The following PRP4K variants were observed in gnomAD, a reference collection of about 807,000 sequenced individuals.
PRP4K encodes serine/threonine-protein kinase PRP4 homolog.
the PRP4K span, among the ~76,000 whole-genome samples, chr6:4,029,798 G>C: frequency 6.6e-6 from 1 of 152,172 alleles, no homozygotes; most frequent in Non-Finnish European, 1.5e-5. Context: ...TGATCCTTCA[G>C]TGTTCCCATA....
chr6:4,054,127 C>G, the PRP4K span, among the ~76,000 whole-genome samples: 2 of 152,060 alleles, frequency 1.3e-5, no homozygotes, highest in Admixed American at 6.5e-5. Flanking sequence ...GTCTCAAACT[C>G]CTGGGCTCAA....
At chr6:4,038,736 C>G in the PRP4K span, among the ~76,000 whole-genome samples, 1 of 152,052 alleles carries the variant, frequency 6.6e-6, no homozygotes, top group Non-Finnish European at 1.5e-5. Flanking sequence ...CACTGCTAGT[C>G]TTCTTGCTCC....
At chr6:4,032,850 G>T in the PRP4K span, 1 of 1,287,900 alleles carries the variant, frequency 7.8e-7, no homozygotes. Flanking sequence ...GAAGTAGTAA[G>T]TAAAAATAAA....
At chr6:4,040,258 A>G in the PRP4K span, among the ~76,000 whole-genome samples, 1 of 152,018 alleles carries the variant, frequency 6.6e-6, no homozygotes, top group South Asian at 2.1e-4. Context: ...TGAAACATGC[A>G]TATAACTTAC....
At chr6:4,040,941 T>A in the PRP4K span, 2 of 1,596,604 alleles carry the variant, frequency 1.3e-6, no homozygotes, top group Non-Finnish European at 1.7e-6. Context: ...AGAATAGAAC[T>A]TACCCATAAC....
the PRP4K span, among the ~76,000 whole-genome samples, chr6:4,058,025 T>C: frequency 1.3e-3 from 194 of 152,320 alleles, no homozygotes; most frequent in African/African-American, 4.5e-3. Context: ...GTTGTTGTTG[T>C]TGTTTTGAGA....
chr6:4,063,670 A>G, the PRP4K span: 1 of 152,078 alleles, frequency 6.6e-6, no homozygotes, highest in East Asian at 1.9e-4. Context: ...GCATATCTAG[A>G]CTACCTATTT....
chr6:4,024,015 T>C, the PRP4K span, among the ~76,000 whole-genome samples: 1 of 151,822 alleles, frequency 6.6e-6, no homozygotes, highest in Non-Finnish European at 1.5e-5. Context: ...TACAGGCACG[T>C]ACCACCACGC....
At chr6:4,021,585 C>G in the PRP4K span, 1 of 1,413,768 alleles carries the variant, frequency 7.1e-7, no homozygotes, top group Non-Finnish European at 9.7e-7. Context: ...CTTTTTCCGG[C>G]GCGATTCGTT....
the PRP4K span, among the ~76,000 whole-genome samples, chr6:4,036,944 C>A: frequency 6.9e-6 from 1 of 144,798 alleles, no homozygotes; most frequent in South Asian, 2.2e-4. Flanking sequence ...CGTGTTTGCG[C>A]CACTGCACTC....
chr6:4,054,186 GC>G, the PRP4K span, among the ~76,000 whole-genome samples: 1 of 152,144 alleles, frequency 6.6e-6, no homozygotes, highest in South Asian at 2.1e-4. Flanking sequence ...ATAGGTGTGA[GC>G]TACCATGCTT....
chr6:4,043,798 G>C, the PRP4K span: 7 of 1,609,896 alleles, frequency 4.3e-6, no homozygotes, highest in Non-Finnish European at 5.9e-6. Context: ...ATTATCTTCT[G>C]TATTGTTATT....
chr6:4,058,902 A>G, the PRP4K span: 56 of 1,079,808 alleles, frequency 5.2e-5, 1 homozygote, highest in South Asian at 8.7e-4. Context: ...AAAAAAAACA[A>G]AAACCCAAAA....
At chr6:4,052,672 G>T in the PRP4K span, 69 of 1,392,302 alleles carry the variant, frequency 5.0e-5, no homozygotes, top group South Asian at 2.0e-4. Flanking sequence ...TTTCCATTTT[G>T]CATTTTAACT....
the PRP4K span, chr6:4,040,809 C>T: frequency 1.1e-5 from 17 of 1,613,802 alleles, no homozygotes; most frequent in Non-Finnish European, 1.4e-5. Flanking sequence ...CTTGCGAAGG[C>T]GGTCTCGATC....
At chr6:4,023,402 T>C in the PRP4K span, among the ~76,000 whole-genome samples, 1 of 152,198 alleles carries the variant, frequency 6.6e-6, no homozygotes, top group Non-Finnish European at 1.5e-5. Flanking sequence ...TTAAGTAACT[T>C]GCTCAAGGTC....
At chr6:4,043,526 T>C in the PRP4K span, among the ~76,000 whole-genome samples, 1 of 152,100 alleles carries the variant, frequency 6.6e-6, no homozygotes, top group Non-Finnish European at 1.5e-5. Context: ...CATACTGTAG[T>C]AGTCACACTG....
chr6:4,051,607 G>A, the PRP4K span, among the ~76,000 whole-genome samples: 85 of 152,272 alleles, frequency 5.6e-4, no homozygotes, highest in Non-Finnish European at 7.2e-4. Flanking sequence ...ATGAGCTACC[G>A]CGCCTGGCCT....
chr6:4,059,348 T>C, the PRP4K span, among the ~76,000 whole-genome samples: 1 of 152,176 alleles, frequency 6.6e-6, no homozygotes, highest in Non-Finnish European at 1.5e-5. Flanking sequence ...AGCTTAGTCA[T>C]TTCCTGTGCT....
Sources: gnomAD v4.1 joint callset for allele counts (sites outside exome capture counted in the v4.1 genomes callset) on GRCh38, gnomAD v4.1.1 for gene constraint, MANE v1.5 for transcripts, NCBI Gene and HGNC (gene_info 2026-07-23, HGNC 2026-07-21) for gene names.